DGKG: variants seen among roughly 807,000 people sequenced by gnomAD.
DGKG encodes DAG kinase gamma.
In DGKG, 78 loss-of-function variants were observed where a neutral mutation model predicts 105.3. The ratio of observed to expected loss-of-function variants is 0.74; its 90% CI spans 0.62 to 0.89. The LOEUF is 0.89. DGKG is among the 40% of genes least tolerant of loss of function. DGKG has a pLI of 0.00. For synonymous variants in DGKG, 346 were observed against 367.1 expected (o/e 0.94, Z 0.66); for missense variants, 958 against 1,020.1 (o/e 0.94, Z 0.83).
At position 186,339,631 on chromosome 3, in the gene DGKG, G is replaced by A. The variant is rs116252414; in HGVS notation, c.-248-18924C>T. 5.8e-3 allele frequency among the ~76,000 whole-genome samples: 887 copies of A among 152,198 alleles called. 15 individuals carry two copies. The highest frequency in any genetic ancestry group is 0.021 in the African/African-American group (856 of 41,500). On this transcript the variant is annotated intron_variant, in intron 1 of 24. Coordinates refer to ENST00000265022, the MANE Select transcript of DGKG (RefSeq NM_001346.3). ...TTTCCCCCAAATCTTCCAAAATAAT[G>A]AGCCCAGCTTACTGAAGCATGTGTG... is the stretch of plus-strand genomic sequence containing the variant.
chr3:186,272,467 A>T, intron 10 of DGKG, 124 bp from the exon 11 acceptor site: 1 of 697,824 alleles, frequency 1.4e-6, no homozygotes, highest in East Asian at 2.8e-5. Context: ...CAGGGGACAC[A>T]TGGGGCTGGT....
intron 19 of DGKG, among the ~76,000 whole-genome samples, chr3:186,245,499 C>T (rs759594281): frequency 3.9e-5 from 6 of 152,320 alleles, no homozygotes; most frequent in South Asian, 2.1e-4. Flanking sequence ...ACCAGGGCTA[C>T]GATGGTTCAA....
chr3:186,229,688 G>A (rs555680342), intron 20 of DGKG, among the ~76,000 whole-genome samples: 14 of 152,270 alleles, frequency 9.2e-5, no homozygotes, highest in Non-Finnish European at 1.3e-4. Context: ...TTATACCCAC[G>A]AACTCCTGAA....
At chr3:186,294,755 G>T (rs1263125195) in intron 5 of DGKG, among the ~76,000 whole-genome samples, 1 of 145,190 alleles carries the variant, frequency 6.9e-6, no homozygotes, top group Admixed American at 6.7e-5. Flanking sequence ...GCCTCCTCTA[G>T]TCCATAGAAG....
At chr3:186,325,360 A>T (rs556061327) in intron 1 of DGKG, among the ~76,000 whole-genome samples, 2 of 152,316 alleles carry the variant, frequency 1.3e-5, no homozygotes, top group South Asian at 4.1e-4. Context: ...CAATATACTC[A>T]GGTAACAAAC....
chr3:186,258,074 C>T lies in DGKG; in HGVS notation c.1425-135G>A, dbSNP rs145269346. On this transcript the variant is annotated intron_variant, in intron 16 of 24. Transcript: ENST00000265022. Reference sequence around the variant, plus strand: ...ATTCCTTTTGTGGTTGAAAGGGTCACTCAATGTTCTGAAACCAGAAGTTAC... The same window carrying T: ...ATTCCTTTTGTGGTTGAAAGGGTCATTCAATGTTCTGAAACCAGAAGTTAC... The T allele has an allele frequency of 2.1e-4, 142 of 691,020 alleles. No individual in the cohort carries two copies. The African/African-American group carries it at 2.4e-3, about 12-fold the overall frequency. The allele number at this position is 691,020 out of a possible 1,614,324, so 42.8% of individuals were successfully genotyped here. A position where few individuals can be genotyped will look rare whatever the true frequency, so the allele number is the denominator to read the frequency against.
Position 186,275,443 on chromosome 3 carries a change from A to G in DGKG, c.910+104T>C, listed in dbSNP as rs1722533420. ...TTGGGACAATATGGGTGGTCCCTCA[A>G]GCTGGGAAGCAGAAATACCAACATT... On this transcript the variant is annotated intron_variant, in intron 10 of 24. Coordinates refer to ENST00000265022, the MANE Select transcript of DGKG (RefSeq NM_001346.3). 5 of 1,004,798 alleles carry G rather than the reference A, an allele frequency of 5.0e-6. No homozygotes were observed. The South Asian group carries it at 7.2e-5, about 15-fold the overall frequency. 62.2% of individuals were successfully genotyped at this position (1,004,798 alleles called of 1,614,324 possible).
intron 12 of DGKG, among the ~76,000 whole-genome samples, chr3:186,268,085 A>G (rs1049713381): frequency 6.6e-6 from 1 of 152,112 alleles, no homozygotes; most frequent in Non-Finnish European, 1.5e-5. Flanking sequence ...CCCCTTAGAT[A>G]TGTGCTCTCC....
chr3:186,269,027 G>T, intron 11 of DGKG, 110 bp from the exon 12 acceptor site: 1 of 725,932 alleles, frequency 1.4e-6, no homozygotes, highest in Non-Finnish European at 2.4e-6. Context: ...CAGAGGGACT[G>T]TTTCCTATTT....
rs764212339 is a variant in DGKG, at chr3:186,320,494, A to G, written c.-35T>C. The G allele has an allele frequency of 3.7e-6, 6 of 1,614,012 alleles. No individual in the cohort carries two copies. In the African/African-American group the frequency reaches 5.3e-5, roughly 14 times the overall value. On this transcript the variant is annotated 5_prime_UTR_variant, in exon 2 of 25. Coordinates refer to ENST00000265022, the MANE Select transcript of DGKG (RefSeq NM_001346.3). ...TTATGTGAGTGGCTAAAGGGCAGTG[A>G]TGGAGTTTTGTTCACTAGGCTGAAG...
At chr3:186,261,222 T>C (rs1039080258) in intron 15 of DGKG, among the ~76,000 whole-genome samples, 3 of 152,212 alleles carry the variant, frequency 2.0e-5, no homozygotes, top group Non-Finnish European at 4.4e-5. Flanking sequence ...TTAACCATTC[T>C]CCCTGTCCAC....
At chr3:186,268,383 C>T (rs944013795) in intron 12 of DGKG, among the ~76,000 whole-genome samples, 1 of 152,162 alleles carries the variant, frequency 6.6e-6, no homozygotes, top group African/African-American at 2.4e-5. Context: ...TTGGCCCAGG[C>T]AGTGGGGCTG....
At chr3:186,337,735 A>C (rs1311869708) in intron 1 of DGKG, among the ~76,000 whole-genome samples, 1 of 152,246 alleles carries the variant, frequency 6.6e-6, no homozygotes, top group African/African-American at 2.4e-5. Context: ...AAGAGATCAC[A>C]TAAATATAAA....
chr3:186,297,940 G>T (rs1330699569), intron 4 of DGKG, 124 bp downstream of exon 4: 26 of 1,140,874 alleles, frequency 2.3e-5, no homozygotes, highest in Non-Finnish European at 3.0e-5. Flanking sequence ...CTGTCCCTTG[G>T]TTCATGTTCG....
At chr3:186,219,798 T>C (rs1339999237) in intron 20 of DGKG, among the ~76,000 whole-genome samples, 1 of 152,222 alleles carries the variant, frequency 6.6e-6, no homozygotes, top group Non-Finnish European at 1.5e-5. Context: ...TATTTTATTG[T>C]ATAACTATGG....
intron 16 of DGKG, among the ~76,000 whole-genome samples, chr3:186,259,016 G>C (rs1255662213): frequency 6.6e-6 from 1 of 152,206 alleles, no homozygotes; most frequent in African/African-American, 2.4e-5. Flanking sequence ...CAGCCTGGTG[G>C]TCTGAGAAGA....
intron 24 of DGKG, among the ~76,000 whole-genome samples, chr3:186,156,151 T>C (rs1055669351): frequency 8.5e-5 from 13 of 152,200 alleles, no homozygotes; most frequent in African/African-American, 2.9e-4. Flanking sequence ...TGGTTAACAG[T>C]CAAATATGTC....
At chr3:186,316,184 T>C (rs537589827) in intron 2 of DGKG, among the ~76,000 whole-genome samples, 11 of 152,222 alleles carry the variant, frequency 7.2e-5, no homozygotes, top group Non-Finnish European at 1.5e-4. Flanking sequence ...AGATGAGTCA[T>C]GCCCACCATG....
chr3:186,235,324 A>T (rs1720364467), intron 20 of DGKG, among the ~76,000 whole-genome samples: 1 of 152,194 alleles, frequency 6.6e-6, no homozygotes, highest in Non-Finnish European at 1.5e-5. Context: ...TAAGAAAAAT[A>T]GTTTGCTATA....
Sources: gnomAD v4.1 joint callset for allele counts (sites outside exome capture counted in the v4.1 genomes callset) on GRCh38, gnomAD v4.1.1 for gene constraint, MANE v1.5 for transcripts, NCBI Gene and HGNC (gene_info 2026-07-23, HGNC 2026-07-21) for gene names.